Variants in KAT5 observed in about 807,000 individuals in gnomAD.
KAT5 encodes the protein histone acetyltransferase KAT5.
A neutral mutation model predicts 68.1 loss-of-function variants in KAT5; 31 were observed. That is an observed-to-expected ratio of 0.46 (90% CI 0.34 to 0.61). KAT5 has a LOEUF of 0.61. Ranked by LOEUF, KAT5 falls within the 20% of genes least tolerant of loss-of-function variation. KAT5 has a pLI of 0.01. For missense variants in KAT5, 451 were observed against 725.5 expected, an observed-to-expected ratio of 0.62 and a Z score of 4.35; for synonymous variants, 365 against 292.6, an observed-to-expected ratio of 1.25 and a Z score of -2.52.
In KAT5 at chr11:65,712,336, AG is replaced by A; in HGVS notation, c.71del (p.Gly24AlafsTer4). The A allele has an allele frequency of 6.6e-7, 1 of 1,517,706 alleles. No individual in the cohort carries two copies. 94.0% of individuals were successfully genotyped at this position (1,517,706 alleles called of 1,614,324 possible). A position where few individuals can be genotyped will look rare whatever the true frequency, so the allele number is the denominator to read the frequency against. On this transcript the variant is annotated frameshift_variant, in exon 1 of 13. Coordinates refer to ENST00000341318, the MANE Select transcript of KAT5 (RefSeq NM_182710.3). LOFTEE classifies it high-confidence loss of function. ...REPGEVGRAR[G>X]PPVADPGVAL... is the part of the protein sequence containing the mutation. The stretch of plus-strand genomic sequence containing the variant: ...AGCCAGGGGAGGTGGGTAGAGCCCG[AG>A]GCCCCCCAGTAGCCGACCCTGGCGT...
chr11:65,718,756 C>A lies in KAT5; in HGVS notation c.1424+7C>A. Reference sequence around the variant, plus strand: ...GGCCACAGATCACCATCAAGTGAGCCTGGCGCTGTCTACCTGGGGGTACAT... The same window carrying A: ...GGCCACAGATCACCATCAAGTGAGCATGGCGCTGTCTACCTGGGGGTACAT... On this transcript the variant is annotated splice_region_variant and intron_variant, in intron 11 of 12. Coordinates refer to ENST00000341318, the MANE Select transcript of KAT5 (RefSeq NM_182710.3). The A allele has an allele frequency of 6.2e-7, 1 of 1,614,168 alleles. No homozygotes were observed. The highest frequency in any genetic ancestry group is 8.5e-7 in the Non-Finnish European group (1 of 1,180,020).
Position 65,719,367 on chromosome 11 carries a change from C to T in KAT5, c.*186C>T. 2 of 721,250 alleles carry T rather than the reference C, an allele frequency of 2.8e-6. No homozygotes were observed. Among genetic ancestry groups the T allele is most frequent in the Middle Eastern group, 4.0e-4 (1 of 2,528 alleles). The allele number at this position is 721,250 out of a possible 1,614,324, so 44.7% of individuals were successfully genotyped here. The stretch of plus-strand genomic sequence containing the variant: ...ACCAAGGCGAGCTCCGGGCTCAGAC[C>T]AACTCCAAGGTCAGCTGGCCACAGG... On this transcript the variant is annotated 3_prime_UTR_variant, in exon 13 of 13. Coordinates refer to ENST00000341318, the MANE Select transcript of KAT5 (RefSeq NM_182710.3).
chr11:65,718,882 T>C lies in KAT5; in HGVS notation c.1434T>C (p.Ser478=). Residue 478 remains serine, a synonymous_variant, in exon 12 of 13, where the codon AGT becomes AGC. Transcript: ENST00000341318. Reference sequence around the variant, plus strand: ...CTGTGCTCTCCCACAGTGAGATTAGTGAAATCACCAGCATCAAGAAGGAGG... The same window carrying C: ...CTGTGCTCTCCCACAGTGAGATTAGCGAAATCACCAGCATCAAGAAGGAGG... The part of the protein sequence containing the change: ...ERPQITINEI[S]EITSIKKEDV... The C allele has an allele frequency of 6.2e-7, 1 of 1,614,076 alleles. No individual in the cohort carries two copies. The highest frequency in any genetic ancestry group is 8.5e-7 in the Non-Finnish European group (1 of 1,180,008).
rs748053330 is a variant in KAT5, at chr11:65,713,570, C to T, written c.541-23C>T. ...CCCACCTTCTCTACCTTCTGACCCA[C>T]CTTTGTTGGTTTCTCTCTGCAGAAA... On this transcript the variant is annotated intron_variant, in intron 4 of 12. Transcript: ENST00000341318. 5 of 1,614,194 alleles carry T rather than the reference C, an allele frequency of 3.1e-6. No individual in the cohort carries two copies. In the South Asian group the frequency reaches 3.3e-5, roughly 11 times the overall value.
intron 6 of KAT5, chr11:65,714,200 CAGG>C (rs1857123437): frequency 1.9e-6 from 1 of 524,760 alleles, no homozygotes. Flanking sequence ...AAAGCTGAGG[CAGG>C]AGAACTGCTT....
chr11:65,713,378 T>C lies in KAT5; in HGVS notation c.415T>C (p.Leu139=). The C allele has an allele frequency of 4.3e-6, 7 of 1,613,870 alleles. No homozygotes were observed. The highest frequency in any genetic ancestry group is 5.9e-6 in the Non-Finnish European group (7 of 1,179,966). Residue 139 remains leucine (L), a synonymous_variant, in exon 4 of 13, where the codon TTG becomes CTG. Coordinates refer to ENST00000341318, the MANE Select transcript of KAT5 (RefSeq NM_182710.3). ...PASAQASGKT[L]PIPVQITLRF... is the part of the protein sequence containing the mutation. ...CTCGGCGCAGGCCAGCGGGAAGACC[T>C]TGCCAATCCCGGTCCAGATCACACT...
intron 6 of KAT5, 72 bp downstream of exon 6, chr11:65,713,920 G>C: frequency 3.7e-6 from 5 of 1,351,204 alleles, no homozygotes; most frequent in Non-Finnish European, 5.2e-6. Context: ...GAGTTATTTA[G>C]TGATGAGTTT....
Position 65,719,195 on chromosome 11 carries a change from A to C in KAT5, c.*14A>C. ...GGGAAGTGGTGACCAGACACTGCCC[A>C]CTGCAGTGCCAAGACGGCAGCAGGA... On this transcript the variant is annotated 3_prime_UTR_variant, in exon 13 of 13. Coordinates refer to ENST00000341318, the MANE Select transcript of KAT5 (RefSeq NM_182710.3). 6.2e-7 allele frequency: 1 copy of C among 1,612,498 alleles called. No homozygotes were observed. The highest frequency in any genetic ancestry group is 8.5e-7 in the Non-Finnish European group (1 of 1,179,446).
intron 8 of KAT5, 182 bp downstream of exon 8, chr11:65,715,092 A>G (rs1469318673): frequency 6.4e-6 from 4 of 623,734 alleles, no homozygotes; most frequent in African/African-American, 5.5e-5. Context: ...AGCTTAGTCC[A>G]TGGGAGAGAC....
Position 65,716,756 on chromosome 11 carries a change from C to T in KAT5, c.1119C>T (p.Val373=), listed in dbSNP as rs1227897220. ...ACACAGACCCTTTCCTCTTCTACGTCATGACAGAGTATGACTGTAAGGGCT... is the reference window on the plus strand; with the variant it reads ...ACACAGACCCTTTCCTCTTCTACGTTATGACAGAGTATGACTGTAAGGGCT... ...YYDTDPFLFY[V]MTEYDCKGFH... is the part of the protein sequence containing the mutation. Residue 373 remains valine, a synonymous_variant, in exon 9 of 13, where the codon GTC becomes GTT. Coordinates refer to ENST00000341318, the MANE Select transcript of KAT5 (RefSeq NM_182710.3). 1 of 1,614,056 alleles carries T rather than the reference C, an allele frequency of 6.2e-7. No individual in the cohort carries two copies. The highest frequency in any genetic ancestry group is 1.1e-5 in the South Asian group (1 of 91,082).
At position 65,716,987 on chromosome 11, in the gene KAT5, GTA is replaced by G. The variant is rs1223177081; in HGVS notation, c.1264+7_1264+8del. Reference sequence around the variant, plus strand: ...GCAAGCTGCTGATCGAGTTCAGTGAGTATGTGTGCTGCGGCCAGGGGGTAGTG... The same window carrying G: ...GCAAGCTGCTGATCGAGTTCAGTGAGTGTGTGCTGCGGCCAGGGGGTAGTG... On this transcript the variant is annotated splice_donor_region_variant and intron_variant, in intron 10 of 12. Coordinates refer to ENST00000341318, the MANE Select transcript of KAT5 (RefSeq NM_182710.3). The G allele has an allele frequency of 6.2e-7, 1 of 1,609,844 alleles. No homozygotes were observed. The highest frequency in any genetic ancestry group is 1.3e-5 in the African/African-American group (1 of 74,830).
chr11:65,716,577 C>T, intron 8 of KAT5, 90 bp from the exon 9 acceptor site: 3 of 1,281,504 alleles, frequency 2.3e-6, no homozygotes, highest in South Asian at 2.6e-5. Context: ...TGGGGCATAG[C>T]ACGAACAGTG....
Position 65,719,603 on chromosome 11 carries a change from C to G in KAT5, c.*422C>G. ...CCGGCAATAAATTGTTTCTATATGCCAGAGCCATGCAAAGTTCTTGGTGGG... is the reference window on the plus strand; with the variant it reads ...CCGGCAATAAATTGTTTCTATATGCGAGAGCCATGCAAAGTTCTTGGTGGG... On this transcript the variant is annotated 3_prime_UTR_variant, in exon 13 of 13. Coordinates refer to ENST00000341318, the MANE Select transcript of KAT5 (RefSeq NM_182710.3). The G allele has an allele frequency of 1.4e-6, 1 of 727,490 alleles. No homozygotes were observed. The highest frequency in any genetic ancestry group is 2.4e-6 in the Non-Finnish European group (1 of 410,686). The allele number at this position is 727,490 out of a possible 1,614,324, so 45.1% of individuals were successfully genotyped here.
In KAT5 at chr11:65,713,628, A is replaced by C. The variant is rs765516491; in HGVS notation, c.576A>C (p.Pro192=). 6.2e-7 allele frequency: 1 copy of C among 1,613,928 alleles called. No homozygotes were observed. The highest frequency in any genetic ancestry group is 2.2e-5 in the East Asian group (1 of 44,886). The change falls in exon 5 of 13, where the codon CCA becomes CCC. Residue 192 remains proline (P), a synonymous_variant. Transcript: ENST00000341318. ...TGGAGGTGGTTTCACCAGCAACTCC[A>C]GTGCCCAGCGAGACAGCCCCGGCCT... ...RKVEVVSPAT[P]VPSETAPASV...
rs768660154 is a variant in KAT5, at chr11:65,713,649, G to A, written c.597G>A (p.Pro199=). 75 of 1,614,004 alleles carry A rather than the reference G, an allele frequency of 4.6e-5. No individual in the cohort carries two copies. The Middle Eastern group carries it at 4.9e-4, about 11-fold the overall frequency. ...CTCCAGTGCCCAGCGAGACAGCCCCGGCCTCGGTTTTTCCCCAGGTGAGTT... is the reference window on the plus strand; with the variant it reads ...CTCCAGTGCCCAGCGAGACAGCCCCAGCCTCGGTTTTTCCCCAGGTGAGTT... ...PATPVPSETA[P]ASVFPQNGAA... is the part of the protein sequence containing the mutation. The change falls in exon 5 of 13, where the codon CCG becomes CCA. Residue 199 remains proline (P), a synonymous_variant. Coordinates refer to ENST00000341318, the MANE Select transcript of KAT5 (RefSeq NM_182710.3).
chr11:65,712,200 C>G, upstream of KAT5: 1 of 1,373,586 alleles, frequency 7.3e-7, no homozygotes, highest in Non-Finnish European at 9.4e-7. Flanking sequence ...GGCCCGGGCC[C>G]ACAGGGCGCT....
intron 11 of KAT5, 47 bp downstream of exon 11, chr11:65,718,796 G>C: frequency 6.2e-7 from 1 of 1,613,992 alleles, no homozygotes; most frequent in Non-Finnish European, 8.5e-7. Context: ...TGGCTTGTCT[G>C]TTCCTGGGCT....
intron 8 of KAT5, chr11:65,715,223 G>A: frequency 2.7e-6 from 1 of 367,774 alleles, no homozygotes; most frequent in Non-Finnish European, 5.2e-6. Context: ...CAGCCTTGGT[G>A]GATGACAAAG....
Position 65,713,359 on chromosome 11 carries a change from G to T in KAT5, c.396G>T (p.Ala132=). The change falls in exon 4 of 13, where the codon GCG becomes GCT. Residue 132 remains alanine (A), a synonymous_variant. Transcript: ENST00000341318. ...GSPEREVPAS[A]QASGKTLPIP... is the part of the protein sequence containing the mutation. ...ACCTATCTCTACAGCCGGCCTCGGC[G>T]CAGGCCAGCGGGAAGACCTTGCCAA... 6.2e-7 allele frequency: 1 copy of T among 1,613,596 alleles called. No homozygotes were observed. Among genetic ancestry groups the T allele is most frequent in the Middle Eastern group, 1.6e-4 (1 of 6,062 alleles).
Sources: allele counts gnomAD v4.1 joint callset, GRCh38; gene constraint gnomAD v4.1.1; transcripts MANE v1.5; gene names NCBI Gene and HGNC (gene_info 2026-07-23, HGNC 2026-07-21).